Variants in ZNF577 observed in about 807,000 individuals in gnomAD.
ZNF577 encodes zinc finger protein 577.
A neutral mutation model predicts 13.9 loss-of-function variants in ZNF577; 14 were observed. The observed-to-expected ratio is 1.00, with a 90% CI of 0.66 to 1.57. ZNF577 has a LOEUF of 1.57. Among genes scored for constraint, ZNF577 ranks in the 40% most tolerant of loss-of-function variants. ZNF577 has a pLI of 0.00. For missense variants in ZNF577, 555 were observed against 579.2 expected (o/e 0.96, Z 0.43); for synonymous variants, 203 against 202.9 (o/e 1.00, Z 0.00).
intron 10 of ZNF577, among the ~76,000 whole-genome samples, chr19:51,808,492 G>C (rs569878607): frequency 2.6e-5 from 4 of 152,158 alleles, no homozygotes; most frequent in African/African-American, 9.7e-5. Flanking sequence ...AACATATTCC[G>C]AGGCTTCTTT....
At chr19:51,837,013 C>T (rs2122531133) in intron 9 of ZNF577, among the ~76,000 whole-genome samples, 1 of 140,774 alleles carries the variant, frequency 7.1e-6, no homozygotes, top group Non-Finnish European at 1.5e-5. Flanking sequence ...CACTGCACCC[C>T]AGCCTGGGTG....
chr19:51,859,680 A>G (rs1308630891), intron 5 of ZNF577, among the ~76,000 whole-genome samples: 5 of 152,160 alleles, frequency 3.3e-5, no homozygotes, highest in African/African-American at 4.8e-5. Context: ...AGCAAAAATA[A>G]GGAATTCACA....
exon 11 of ZNF577, chr19:51,805,187 T>C (rs977736861): frequency 1.3e-5 from 2 of 152,234 alleles, no homozygotes; most frequent in African/African-American, 4.8e-5. Flanking sequence ...TATGAATTAA[T>C]TGAAAGAATG....
At chr19:51,815,529 A>C (rs1268093310) in intron 9 of ZNF577, among the ~76,000 whole-genome samples, 1 of 150,610 alleles carries the variant, frequency 6.6e-6, no homozygotes, top group Admixed American at 6.7e-5. Context: ...AGATCCCGCC[A>C]CTGCACTCCA....
At position 51,867,082 on chromosome 19, in the gene ZNF577, A is replaced by G. The variant is rs933766136; in HGVS notation, c.*5450T>C. Among the ~76,000 whole-genome samples, 2 of 152,224 alleles carry G rather than the reference A, an allele frequency of 1.3e-5. No individual in the cohort carries two copies. Among genetic ancestry groups the G allele is most frequent in the African/African-American group, 4.8e-5 (2 of 41,472 alleles). On this transcript the variant is annotated 3_prime_UTR_variant, in exon 6 of 6. Coordinates refer to ENST00000638348, the MANE Select transcript of ZNF577 (RefSeq NM_001370449.1). ...CATTCTTACATATTTATTCACCTGT[A>G]TTCACACTTAAGGCACTCTGTATGA... is the stretch of plus-strand genomic sequence containing the variant.
intron 1 of ZNF577, among the ~76,000 whole-genome samples, chr19:51,884,679 C>G (rs1052067218): frequency 6.6e-6 from 1 of 152,052 alleles, no homozygotes; most frequent in Non-Finnish European, 1.5e-5. Flanking sequence ...AGGTGCTTTT[C>G]CATTGATTTT....
intron 9 of ZNF577, among the ~76,000 whole-genome samples, chr19:51,813,370 C>T (rs1454263330): frequency 6.6e-6 from 1 of 152,092 alleles, no homozygotes; most frequent in Non-Finnish European, 1.5e-5. Flanking sequence ...AAAACCTCCA[C>T]CTTTTAATAC....
intron 1 of ZNF577, among the ~76,000 whole-genome samples, chr19:51,881,247 G>A (rs1250896803): frequency 6.6e-6 from 1 of 152,186 alleles, no homozygotes; most frequent in African/African-American, 2.4e-5. Flanking sequence ...TAGAGGCTGA[G>A]ATGGGTGGAT....
intron 6 of ZNF577, among the ~76,000 whole-genome samples, chr19:51,844,131 G>C (rs561264233): frequency 2.0e-5 from 3 of 146,574 alleles, no homozygotes; most frequent in African/African-American, 7.5e-5. Flanking sequence ...ATTAAATGAT[G>C]ATACTCATAA....
intron 4 of ZNF577, 51 bp from the exon 5 acceptor site, chr19:51,877,428 T>C (rs3764540): frequency 6.9e-7 from 1 of 1,452,364 alleles, no homozygotes; most frequent in South Asian, 1.1e-5. Context: ...GGGGAATGGA[T>C]GAAGATGGAG....
chr19:51,853,709 C>T (rs1328643180), intron 5 of ZNF577, among the ~76,000 whole-genome samples: 2 of 152,162 alleles, frequency 1.3e-5, no homozygotes, highest in Non-Finnish European at 2.9e-5. Context: ...AGCTTCTTGG[C>T]TTCCTTGAAA....
chr19:51,855,399 G>GTGTGTGTGTGTGTGTA (rs993998116), intron 5 of ZNF577, among the ~76,000 whole-genome samples: 86 of 142,584 alleles, frequency 6.0e-4, no homozygotes, highest in Admixed American at 1.6e-3. Context: ...GTGTGTGTGT[G>GTGTGTGTGTGTGTGTA]TGTGTGTGTC....
chr19:51,860,203 A>T (rs1449280412), intron 5 of ZNF577: 1 of 152,214 alleles, frequency 6.6e-6, no homozygotes, highest in Non-Finnish European at 1.5e-5. Flanking sequence ...GGATGTGAAG[A>T]AGTGAATCCA....
Position 51,859,388 on chromosome 19 carries a change from G to GT in ZNF577, c.284-14458dup, listed in dbSNP as rs1297125808. Among the ~76,000 whole-genome samples the GT allele has an allele frequency of 2.6e-5, 4 of 152,236 alleles. No individual in the cohort carries two copies. In the East Asian group the frequency reaches 5.8e-4, roughly 22 times the overall value. On this transcript the variant is annotated intron_variant and NMD_transcript_variant, in intron 5 of 10. Coordinates refer to the ZNF577 transcript ENST00000638827. ...AGGAATGGAATTCCTGGGTCATATG[G>GT]TAAGTCTGGATTTAACTTTTTGAGG...
chr19:51,818,142 T>C (rs547928569), intron 9 of ZNF577, among the ~76,000 whole-genome samples: 2 of 152,206 alleles, frequency 1.3e-5, no homozygotes, highest in Non-Finnish European at 2.9e-5. Context: ...TTGCTATTTT[T>C]CTCATTTAAC....
intron 5 of ZNF577, among the ~76,000 whole-genome samples, chr19:51,874,342 C>T (rs1474425785): frequency 6.6e-6 from 1 of 152,096 alleles, no homozygotes; most frequent in Non-Finnish European, 1.5e-5. Context: ...AAGAAAATTA[C>T]AGAATGTGAA....
downstream of ZNF577, among the ~76,000 whole-genome samples, chr19:51,865,764 TC>T (rs2084555518): frequency 1.3e-5 from 2 of 152,162 alleles, no homozygotes; most frequent in Admixed American, 1.3e-4. Context: ...TCTTGTTGGT[TC>T]TCACTCACCT....
chr19:51,879,814 T>C (rs1438400484), intron 3 of ZNF577, among the ~76,000 whole-genome samples: 1 of 152,156 alleles, frequency 6.6e-6, no homozygotes, highest in Admixed American at 6.5e-5. Context: ...ATCTCTTGCG[T>C]GCAAATGTAG....
chr19:51,857,370 GAAAGAAA>G (rs1568442119), intron 5 of ZNF577, among the ~76,000 whole-genome samples: 12 of 57,866 alleles, frequency 2.1e-4, no homozygotes, highest in East Asian at 1.2e-3. Context: ...AGGAAGGAAA[GAAAGAAA>G]GAAAGAAAGA....
Sources: gnomAD v4.1 joint callset for allele counts (sites outside exome capture counted in the v4.1 genomes callset) on GRCh38, gnomAD v4.1.1 for gene constraint, MANE v1.5 for transcripts, NCBI Gene and HGNC (gene_info 2026-07-23, HGNC 2026-07-21) for gene names.